Variants in XIRP2 observed in about 807,000 individuals in gnomAD.
XIRP2 encodes the protein xin actin binding repeat containing 2.
A neutral mutation model predicts 277.0 loss-of-function variants in XIRP2; 236 were observed. That is an observed-to-expected ratio of 0.85 (90% confidence interval 0.77 to 0.95). The LOEUF is 0.95. Among genes scored for constraint, XIRP2 ranks in the 40% least tolerant of loss-of-function variants. The pLI is 0.00. For missense variants in XIRP2, 4,640 were observed against 4,157.5 expected (o/e 1.12, Z -3.19); for synonymous variants, 1,490 against 1,416.5 (o/e 1.05, Z -1.17).
Position 167,248,863 on chromosome 2 carries a change from C to T in XIRP2, c.7471C>T (p.Gln2491Ter). 2 of 1,613,370 alleles carry T rather than the reference C, an allele frequency of 1.2e-6. No homozygotes were observed. The highest frequency in any genetic ancestry group is 8.5e-7 in the Non-Finnish European group (1 of 1,179,748). ...TAGTAAGAGTCTTGATGAAAGAAAACAATTATCTATTGACTCTGCAAACTG... is the reference window on the plus strand; with the variant it reads ...TAGTAAGAGTCTTGATGAAAGAAAATAATTATCTATTGACTCTGCAAACTG... Reference protein sequence around the residue: ...VISKSLDERKQLSIDSANCLS... With the variant: ...VISKSLDERK Residue 2491 changes from glutamine (Q) to a stop codon, truncating the protein, a stop_gained, in exon 9 of 11, where the codon CAA becomes TAA. Coordinates refer to ENST00000409195, the MANE Select transcript of XIRP2 (RefSeq NM_152381.6). LOFTEE classifies it high-confidence loss of function.
chr2:167,018,318 A>T (rs1687886587), intron 2 of XIRP2, among the ~76,000 whole-genome samples: 1 of 151,916 alleles, frequency 6.6e-6, no homozygotes, highest in Non-Finnish European at 1.5e-5. Flanking sequence ...CTCAGACCCT[A>T]TTTTCCTTGC....
intron 2 of XIRP2, among the ~76,000 whole-genome samples, chr2:167,085,233 T>G (rs923708446): frequency 5.7e-4 from 87 of 151,740 alleles, no homozygotes; most frequent in African/African-American, 1.8e-3. Context: ...GTTGTTCAGT[T>G]TCCATGTAGT....
At position 167,210,800 on chromosome 2, in the gene XIRP2, G is replaced by A; in HGVS notation, c.628G>A (p.Val210Met). The stretch of plus-strand genomic sequence containing the variant: ...AGACAGTGCTGCTCGGGGCGAGGGT[G>A]TGTCAGACCTCCACGAAGTGGTCTC... ...AEDSAARGEG[V>M]SDLHEVVSLK... Residue 210 changes from valine (V) to methionine (M), a missense_variant, in exon 4 of 11, where the codon GTG becomes ATG. Physicochemically the swap from Val to Met is conservative, Grantham distance 21. Transcript: ENST00000409195. 1.2e-6 allele frequency: 2 copies of A among 1,614,186 alleles called. No homozygotes were observed. Among genetic ancestry groups the A allele is most frequent in the South Asian group, 1.1e-5 (1 of 91,078 alleles).
intron 3 of XIRP2, among the ~76,000 whole-genome samples, chr2:167,201,469 C>T (rs73029706): frequency 0.056 from 8,460 of 151,532 alleles, 295 homozygotes; most frequent in African/African-American, 0.09. Flanking sequence ...CCTCCCATCC[C>T]CTGGAGCACA....
chr2:167,118,570 T>C (rs1363669432), intron 2 of XIRP2, among the ~76,000 whole-genome samples: 1 of 151,718 alleles, frequency 6.6e-6, no homozygotes, highest in Non-Finnish European at 1.5e-5. Flanking sequence ...TTTTTGCCCT[T>C]GCGCCTTTTA....
At chr2:167,236,236 G>A (rs868520795) in intron 5 of XIRP2, among the ~76,000 whole-genome samples, 40 of 151,394 alleles carry the variant, frequency 2.6e-4, no homozygotes, top group Middle Eastern at 3.4e-3. Context: ...ATAGTGAGTC[G>A]CCATAAAAAA....
chr2:167,001,336 A>G (rs1315456955), intron 2 of XIRP2, among the ~76,000 whole-genome samples: 1 of 152,128 alleles, frequency 6.6e-6, no homozygotes. Context: ...AAAGGCCACA[A>G]TAAAAAGAAA....
intron 2 of XIRP2, among the ~76,000 whole-genome samples, chr2:166,975,787 G>A (rs1048615328): frequency 4.6e-5 from 7 of 151,680 alleles, no homozygotes; most frequent in Admixed American, 2.0e-4. Flanking sequence ...TTAGCCGGGC[G>A]TGGTGGCGGG....
At chr2:167,190,197 A>G (rs1486727485) in intron 3 of XIRP2, among the ~76,000 whole-genome samples, 1 of 152,100 alleles carries the variant, frequency 6.6e-6, no homozygotes, top group Non-Finnish European at 1.5e-5. Flanking sequence ...GTCCTTTAGG[A>G]GTTGTTATGG....
intron 1 of XIRP2, among the ~76,000 whole-genome samples, chr2:166,899,934 A>G (rs185982524): frequency 1.0e-3 from 153 of 152,088 alleles, no homozygotes; most frequent in African/African-American, 3.6e-3. Flanking sequence ...ACCTTCTACA[A>G]TTGGAATAAA....
intron 2 of XIRP2, among the ~76,000 whole-genome samples, chr2:167,062,058 A>G (rs1178310788): frequency 6.6e-6 from 1 of 152,158 alleles, no homozygotes; most frequent in African/African-American, 2.4e-5. Flanking sequence ...CCATCCTGGC[A>G]CCCTTCCTGC....
At position 167,013,592 on chromosome 2, in the gene XIRP2, CTA is replaced by C. The variant is rs1022331382; in HGVS notation, c.408+109712_408+109713del. 3.3e-5 allele frequency among the ~76,000 whole-genome samples: 5 copies of C among 151,106 alleles called. No homozygotes were observed. The Admixed American group carries it at 3.3e-4, about 10-fold the overall frequency. The stretch of plus-strand genomic sequence containing the variant: ...TAGAAGTCCTAAAATAATATAAAGA[CTA>C]TATATATATGTGAAATATAAATGAA... On this transcript the variant is annotated intron_variant, in intron 2 of 10. Coordinates refer to ENST00000409195, the MANE Select transcript of XIRP2 (RefSeq NM_152381.6).
At chr2:166,983,980 C>T (rs1233437358) in intron 2 of XIRP2, among the ~76,000 whole-genome samples, 5 of 152,144 alleles carry the variant, frequency 3.3e-5, no homozygotes, top group Non-Finnish European at 5.9e-5. Context: ...TGTCATGTCT[C>T]TCACCAAAGA....
At chr2:167,236,467 A>T (rs1262776166) in intron 5 of XIRP2, among the ~76,000 whole-genome samples, 2 of 152,074 alleles carry the variant, frequency 1.3e-5, no homozygotes, top group Non-Finnish European at 2.9e-5. Context: ...ATAAGCTGAC[A>T]TCAGACTGAT....
intron 2 of XIRP2, among the ~76,000 whole-genome samples, chr2:166,984,031 A>G (rs1191280826): frequency 2.0e-5 from 3 of 152,010 alleles, no homozygotes; most frequent in African/African-American, 7.2e-5. Context: ...TATTTCTCTC[A>G]TCTCCCACCC....
At chr2:167,132,150 C>T (rs1195072783) in intron 2 of XIRP2, among the ~76,000 whole-genome samples, 1 of 152,090 alleles carries the variant, frequency 6.6e-6, no homozygotes, top group South Asian at 2.1e-4. Context: ...AGATCATCAT[C>T]ACTTGCCTGC....
At chr2:166,893,375 A>T (rs1432958662) in intron 1 of XIRP2, among the ~76,000 whole-genome samples, 3 of 152,148 alleles carry the variant, frequency 2.0e-5, no homozygotes, top group Non-Finnish European at 4.4e-5. Flanking sequence ...TTGCATTTTT[A>T]AAAAATACTT....
chr2:167,245,078 A>C lies in XIRP2; in HGVS notation c.3686A>C (p.Glu1229Ala), dbSNP rs1308529164. The C allele has an allele frequency of 6.2e-7, 1 of 1,610,466 alleles. No individual in the cohort carries two copies. Among genetic ancestry groups the C allele is most frequent in the South Asian group, 1.1e-5 (1 of 90,092 alleles). ...VLKKIKTLKT[E>A]DIQKGNVLNC... ...AAAAAGATCAAAACCTTAAAAACTG[A>C]AGATATTCAGAAAGGCAATGTTTTA... The change falls in exon 9 of 11, where the codon GAA becomes GCA. Residue 1229 changes from glutamate (E) to alanine (A), a missense_variant. Transcript: ENST00000409195.
At chr2:166,891,771 T>C (rs950244239) in intron 1 of XIRP2, among the ~76,000 whole-genome samples, 5 of 152,288 alleles carry the variant, frequency 3.3e-5, no homozygotes, top group South Asian at 4.1e-4. Flanking sequence ...AACCAAAGCA[T>C]GAAAATAAGT....
Sources: allele counts gnomAD v4.1 joint callset (sites outside exome capture counted in the v4.1 genomes callset), GRCh38; gene constraint gnomAD v4.1.1; transcripts MANE v1.5; gene names NCBI Gene and HGNC (gene_info 2026-07-23, HGNC 2026-07-21).